CAMKMT: variants seen among roughly 807,000 people sequenced by gnomAD.
The protein encoded by CAMKMT is CaM KMT.
A neutral mutation model predicts 48.0 loss-of-function variants in CAMKMT; 53 were observed. That is an observed-to-expected ratio of 1.10 (90% CI 0.89 to 1.39). The LOEUF (loss-of-function observed/expected upper bound fraction) is 1.39, where lower values mean the gene tolerates loss of function less well. Ranked by LOEUF, CAMKMT falls within the 40% of genes most tolerant of loss-of-function variation. The probability of loss-of-function intolerance (pLI) is 0.00; values close to 1 mark genes in which losing one functional copy is unlikely to be tolerated. For synonymous variants in CAMKMT, 165 were observed against 152.3 expected (o/e 1.08, Z -0.61); for missense variants, 428 against 402.7 (o/e 1.06, Z -0.54).
intron 9 of CAMKMT, among the ~76,000 whole-genome samples, chr2:44,764,505 G>C (rs149581277): frequency 1.1e-4 from 17 of 152,108 alleles, no homozygotes; most frequent in African/African-American, 3.9e-4. Context: ...GGATCAGCGA[G>C]GATGGGTTAA....
At chr2:44,518,413 A>C (rs373530248) in intron 3 of CAMKMT, among the ~76,000 whole-genome samples, 1 of 152,228 alleles carries the variant, frequency 6.6e-6, no homozygotes, top group Non-Finnish European at 1.5e-5. Context: ...AATAAAAAAC[A>C]TAATGTTTGC....
intron 3 of CAMKMT, among the ~76,000 whole-genome samples, chr2:44,529,573 G>A (rs1464239599): frequency 6.6e-6 from 1 of 152,126 alleles, no homozygotes; most frequent in Non-Finnish European, 1.5e-5. Flanking sequence ...TGTACTTTGG[G>A]CTAGGGTTGC....
In CAMKMT at chr2:44,618,245, A is replaced by T; in HGVS notation, c.377-86038A>T. 6.6e-6 allele frequency among the ~76,000 whole-genome samples: 1 copy of T among 152,214 alleles called. No homozygotes were observed. The highest frequency in any genetic ancestry group is 1.9e-4 in the East Asian group (1 of 5,194). Reference sequence around the variant, plus strand: ...ATTATTGAGTGACAAACTTTATTGAATTTGACTTAACAGAAGTCAGAAGAC... The same window carrying T: ...ATTATTGAGTGACAAACTTTATTGATTTTGACTTAACAGAAGTCAGAAGAC... On this transcript the variant is annotated intron_variant, in intron 3 of 10. Coordinates refer to ENST00000378494, the MANE Select transcript of CAMKMT (RefSeq NM_024766.5). This position sits in a 1 kb window ranked among gnomAD's most constrained non-coding sequence, Gnocchi z 4.0.
intron 3 of CAMKMT, among the ~76,000 whole-genome samples, chr2:44,562,307 C>T (rs1469191248): frequency 6.6e-6 from 1 of 152,122 alleles, no homozygotes; most frequent in East Asian, 1.9e-4. Context: ...TCTCTGTTTA[C>T]CCTTCTTTCT....
At chr2:44,500,500 AG>A (rs1487111919) in intron 3 of CAMKMT, among the ~76,000 whole-genome samples, 3 of 152,106 alleles carry the variant, frequency 2.0e-5, no homozygotes, top group African/African-American at 7.2e-5. Flanking sequence ...GGATTATTGT[AG>A]GAAAAAAACA....
At chr2:44,623,597 G>A (rs190179901) in intron 3 of CAMKMT, among the ~76,000 whole-genome samples, 16 of 152,182 alleles carry the variant, frequency 1.1e-4, no homozygotes, top group Admixed American at 3.3e-4. Context: ...TTTCCTCCTT[G>A]CTTGTTTTTG....
intron 3 of CAMKMT, among the ~76,000 whole-genome samples, chr2:44,414,324 A>G (rs1262233951): frequency 1.3e-5 from 2 of 152,190 alleles, no homozygotes; most frequent in Non-Finnish European, 2.9e-5. Context: ...AATGGTTCCT[A>G]TGGTTCTGGC....
rs189277524 is a variant in CAMKMT, at chr2:44,479,451, G to T, written c.376+89146G>T. Among the ~76,000 whole-genome samples, 187 of 152,330 alleles carry T rather than the reference G, an allele frequency of 1.2e-3. 3 individuals are homozygous for T. Among genetic ancestry groups the T allele is most frequent in the African/African-American group, 4.3e-3 (180 of 41,566 alleles). On this transcript the variant is annotated intron_variant, in intron 3 of 10. Coordinates refer to ENST00000378494, the MANE Select transcript of CAMKMT (RefSeq NM_024766.5). The stretch of plus-strand genomic sequence containing the variant: ...CTAGCAACTTTAGATTCAGGCGGAA[G>T]TTGGAGTTTATTTTACAAAACATGA...
intron 7 of CAMKMT, among the ~76,000 whole-genome samples, chr2:44,743,078 G>A (rs1456435830): frequency 6.6e-6 from 1 of 152,152 alleles, no homozygotes; most frequent in Non-Finnish European, 1.5e-5. Context: ...TCCCCTTTGG[G>A]AGACTAAGTG....
At chr2:44,416,265 T>A (rs1312466311) in intron 3 of CAMKMT, among the ~76,000 whole-genome samples, 1 of 152,176 alleles carries the variant, frequency 6.6e-6, no homozygotes, top group African/African-American at 2.4e-5. Context: ...AATGTATGAT[T>A]TAGTTTACTC....
intron 3 of CAMKMT, among the ~76,000 whole-genome samples, chr2:44,425,731 CTT>C (rs748393973): frequency 3.5e-5 from 5 of 143,604 alleles, no homozygotes; most frequent in Admixed American, 1.4e-4. Context: ...AGTATTCTAT[CTT>C]TTTTTTTTTT....
chr2:44,661,664 T>C (rs1384414772), intron 3 of CAMKMT, among the ~76,000 whole-genome samples: 1 of 152,212 alleles, frequency 6.6e-6, no homozygotes, highest in Non-Finnish European at 1.5e-5. Context: ...TAATTACTTG[T>C]GTTTTGTTTC....
chr2:44,702,487 G>A (rs1677310000), intron 3 of CAMKMT, among the ~76,000 whole-genome samples: 1 of 152,044 alleles, frequency 6.6e-6, no homozygotes, highest in South Asian at 2.1e-4. Context: ...CATCTCTCAG[G>A]CCAGTCCTGT....
rs555456115 is a variant in CAMKMT at position 44,750,313 on chromosome 2, C to T, written c.699-3742C>T. On this transcript the variant is annotated intron_variant, in intron 8 of 10. Transcript: ENST00000378494. The stretch of plus-strand genomic sequence containing the variant: ...CTGGGATTACAGGCACACACCACCA[C>T]GCCTGGCTAATTTTTGTATTTTTAG... Among the ~76,000 whole-genome samples the T allele has an allele frequency of 6.6e-5, 10 of 152,142 alleles. No homozygotes were observed. In the South Asian group the frequency reaches 1.5e-3, roughly 22 times the overall value.
chr2:44,436,802 G>A (rs1279061592), intron 3 of CAMKMT, among the ~76,000 whole-genome samples: 1 of 151,978 alleles, frequency 6.6e-6, no homozygotes, highest in Non-Finnish European at 1.5e-5. Flanking sequence ...TAAGAAAATG[G>A]ATAAATTATG....
intron 9 of CAMKMT, among the ~76,000 whole-genome samples, chr2:44,765,533 A>ATTT (rs1558842774): frequency 3.6e-3 from 381 of 105,202 alleles, no homozygotes; most frequent in African/African-American, 6.0e-3. Context: ...TTTTTTTTTA[A>ATTT]AAAAAAAAAA....
At chr2:44,748,422 G>A (rs984133396) in intron 8 of CAMKMT, among the ~76,000 whole-genome samples, 10 of 151,842 alleles carry the variant, frequency 6.6e-5, no homozygotes, top group Non-Finnish European at 1.0e-4. Flanking sequence ...CGATCTTACC[G>A]GTTTTAGGAT....
intron 3 of CAMKMT, among the ~76,000 whole-genome samples, chr2:44,677,625 T>A (rs1448536818): frequency 6.6e-6 from 1 of 151,920 alleles, no homozygotes; most frequent in Non-Finnish European, 1.5e-5. Context: ...GGAGAATCAC[T>A]TGAACCAGGG....
At chr2:44,577,550 T>C (rs1401034379) in intron 3 of CAMKMT, among the ~76,000 whole-genome samples, 5 of 151,456 alleles carry the variant, frequency 3.3e-5, no homozygotes, top group Admixed American at 3.3e-4. Flanking sequence ...GTCTGAGAGG[T>C]CCAGGCTGCA....
Sources: allele counts gnomAD v4.1 joint callset (sites outside exome capture counted in the v4.1 genomes callset), GRCh38; gene constraint gnomAD v4.1.1; non-coding constraint Gnocchi (gnomAD v3.1); transcripts MANE v1.5; gene names NCBI Gene and HGNC (gene_info 2026-07-23, HGNC 2026-07-21).